The following KCNK2 variants were observed in gnomAD, a reference collection of about 807,000 sequenced individuals.
KCNK2 encodes the protein potassium channel subfamily K member 2.
Under a neutral mutation model 40.5 loss-of-function variants are expected in KCNK2, and 21 were observed. That is an observed-to-expected ratio of 0.52 (90% CI 0.37 to 0.75). The LOEUF (loss-of-function observed/expected upper bound fraction) is 0.75, where lower values mean the gene tolerates loss of function less well. Ranked by LOEUF, KCNK2 falls within the 30% of genes least tolerant of loss-of-function variation. The pLI is 0.00. For synonymous variants in KCNK2, 191 were observed against 202.2 expected, an observed-to-expected ratio of 0.94 and a Z score of 0.47; for missense variants, 399 against 531.6, an observed-to-expected ratio of 0.75 and a Z score of 2.45.
rs576428312 is a variant in KCNK2 at position 215,169,219 on chromosome 1, C to G, written c.496C>G (p.Arg166Gly). Reference sequence around the variant, plus strand: ...TAAAGGATTTGGAAACATCTCACCACGCACAGAAGGCGGCAAAATATTCTG... The same window carrying G: ...TAAAGGATTTGGAAACATCTCACCAGGCACAGAAGGCGGCAAAATATTCTG... ...TTIGFGNISP[R>G]TEGGKIFCII... is the part of the protein sequence containing the mutation. Residue 166 changes from arginine (R) to glycine (G), a missense_variant, in exon 4 of 7, where the codon CGC becomes GGC. Coordinates refer to ENST00000444842, the MANE Select transcript of KCNK2 (RefSeq NM_001017425.3). The G allele has an allele frequency of 1.2e-6, 2 of 1,607,446 alleles. No individual in the cohort carries two copies. The highest frequency in any genetic ancestry group is 1.7e-6 in the Non-Finnish European group (2 of 1,177,362).
chr1:215,189,118 G>A (rs6678565), intron 5 of KCNK2, among the ~76,000 whole-genome samples: 12,841 of 152,050 alleles, frequency 0.084, 845 homozygotes, highest in African/African-American at 0.19. Flanking sequence ...TGTGACTCTC[G>A]GAGAACTCAC....
intron 1 of KCNK2, among the ~76,000 whole-genome samples, chr1:215,013,117 T>C (rs946370347): frequency 6.6e-6 from 1 of 152,190 alleles, no homozygotes; most frequent in African/African-American, 2.4e-5. Flanking sequence ...TAATTTTGTG[T>C]TTTACATTTA....
At chr1:215,144,250 C>G (rs1443451631) in intron 3 of KCNK2, among the ~76,000 whole-genome samples, 3 of 152,050 alleles carry the variant, frequency 2.0e-5, no homozygotes, top group African/African-American at 4.8e-5. Context: ...GAATCCCATA[C>G]CAGAGATGAA....
chr1:215,115,028 T>G (rs74143659), intron 2 of KCNK2, among the ~76,000 whole-genome samples: 3 of 141,306 alleles, frequency 2.1e-5, no homozygotes, highest in African/African-American at 8.4e-5. Context: ...TGTGTGTGTG[T>G]ACAAAGCTTG....
chr1:215,121,726 A>G (rs1418852994), intron 2 of KCNK2, among the ~76,000 whole-genome samples: 2 of 152,246 alleles, frequency 1.3e-5, no homozygotes, highest in Non-Finnish European at 2.9e-5. Context: ...ACATATTAAA[A>G]TACACCTGTT....
At chr1:215,210,969 A>C (rs1440878462) in intron 6 of KCNK2, among the ~76,000 whole-genome samples, 2 of 152,110 alleles carry the variant, frequency 1.3e-5, no homozygotes, top group Non-Finnish European at 2.9e-5. Flanking sequence ...CTGTGCCACC[A>C]TGAGCTCACT....
chr1:215,148,374 C>T (rs991316629), intron 3 of KCNK2, among the ~76,000 whole-genome samples: 5 of 151,854 alleles, frequency 3.3e-5, no homozygotes, highest in African/African-American at 1.2e-4. Flanking sequence ...CATGCCTGTA[C>T]ATTAATTATT....
At chr1:215,114,075 G>A (rs1660818491) in intron 2 of KCNK2, among the ~76,000 whole-genome samples, 1 of 152,000 alleles carries the variant, frequency 6.6e-6, no homozygotes, top group Admixed American at 6.6e-5. Flanking sequence ...TGGTTTAAAA[G>A]TTTTCTGCAT....
In KCNK2 at chr1:215,021,923, A is replaced by G. The variant is rs566364105; in HGVS notation, c.34+15968A>G. Among the ~76,000 whole-genome samples, 586 of 152,222 alleles carry G rather than the reference A, an allele frequency of 3.8e-3. 8 individuals carry two copies. Among genetic ancestry groups the G allele is most frequent in the African/African-American group, 0.014 (566 of 41,550 alleles). ...CTTTGGGTTCTGATATTGTACCAGC[A>G]GTACTCAGTTTCTTAGGCCTCAGCC... On this transcript the variant is annotated intron_variant, in intron 1 of 6. Transcript: ENST00000391895.
At chr1:215,188,661 G>A (rs1258570501) in intron 5 of KCNK2, among the ~76,000 whole-genome samples, 1 of 152,134 alleles carries the variant, frequency 6.6e-6, no homozygotes, top group Non-Finnish European at 1.5e-5. Context: ...TGTTGACTAA[G>A]AGTTTTGCAA....
At chr1:215,010,450 A>G (rs995644508) in intron 1 of KCNK2, among the ~76,000 whole-genome samples, 16 of 152,196 alleles carry the variant, frequency 1.1e-4, no homozygotes, top group Non-Finnish European at 2.2e-4. Context: ...CACTGAATGA[A>G]TCTTAGAGAA....
chr1:215,195,249 A>G (rs1490777354), intron 6 of KCNK2, among the ~76,000 whole-genome samples, 157 bp downstream of exon 6: 1 of 152,172 alleles, frequency 6.6e-6, no homozygotes, highest in Non-Finnish European at 1.5e-5. Context: ...ATGAGCAAAT[A>G]TATGAGTTGT....
rs1179342647 is a variant in KCNK2, at chr1:215,083,149, C to T, written c.-237C>T. The T allele has an allele frequency of 5.6e-6, 5 of 885,062 alleles. No homozygotes were observed. The African/African-American group carries it at 8.3e-5, about 15-fold the overall frequency. 54.8% of individuals were successfully genotyped at this position (885,062 alleles called of 1,614,324 possible). On this transcript the variant is annotated 5_prime_UTR_variant, in exon 1 of 7. Coordinates refer to ENST00000444842, the MANE Select transcript of KCNK2 (RefSeq NM_001017425.3). The stretch of plus-strand genomic sequence containing the variant: ...GGCCTCCGCCTCGCCCTCTGCCCAG[C>T]CCGCCGGTGTCCCCTCCTTCCCGCG...
Position 215,123,518 on chromosome 1 carries a change from T to C in KCNK2, c.358-1115T>C, listed in dbSNP as rs376019532. The stretch of plus-strand genomic sequence containing the variant: ...CATAGATTAAGACAAATCAGACATA[T>C]TTCATAATGGTCAGTTCTGAAATGA... On this transcript the variant is annotated intron_variant, in intron 2 of 6. Coordinates refer to ENST00000444842, the MANE Select transcript of KCNK2 (RefSeq NM_001017425.3). Among the ~76,000 whole-genome samples, 84 of 152,240 alleles carry C rather than the reference T, an allele frequency of 5.5e-4. No homozygotes were observed. In the South Asian group the frequency reaches 0.017, roughly 31 times the overall value.
At chr1:215,048,448 C>G (rs1657863340) in intron 1 of KCNK2, among the ~76,000 whole-genome samples, 1 of 152,088 alleles carries the variant, frequency 6.6e-6, no homozygotes, top group Admixed American at 6.6e-5. Flanking sequence ...TCTTCAGAGC[C>G]TTTGTGGTTT....
intron 1 of KCNK2, among the ~76,000 whole-genome samples, chr1:215,012,985 T>G (rs1441067363): frequency 6.6e-6 from 1 of 152,182 alleles, no homozygotes; most frequent in Admixed American, 6.5e-5. Context: ...TTGTGTTTTC[T>G]TTTTTCAGAA....
At chr1:215,007,185 G>GTGTATATA (rs1398746959) in intron 1 of KCNK2, among the ~76,000 whole-genome samples, 36 of 31,024 alleles carry the variant, frequency 1.2e-3, no homozygotes, top group African/African-American at 3.8e-3. Flanking sequence ...ATGTGTGTGG[G>GTGTATATA]TATATATATA....
At chr1:215,212,809 G>T (rs1014766592) in intron 6 of KCNK2, among the ~76,000 whole-genome samples, 1 of 152,182 alleles carries the variant, frequency 6.6e-6, no homozygotes, top group Non-Finnish European at 1.5e-5. Flanking sequence ...TAGAGATGAT[G>T]TATCTGAGAT....
chr1:215,131,443 T>G (rs1212844697), intron 3 of KCNK2, among the ~76,000 whole-genome samples: 1 of 147,102 alleles, frequency 6.8e-6, no homozygotes, highest in East Asian at 1.9e-4. Context: ...ATGTATTATA[T>G]TCATATATTA....
Sources: allele counts gnomAD v4.1 joint callset (sites outside exome capture counted in the v4.1 genomes callset), GRCh38; gene constraint gnomAD v4.1.1; transcripts MANE v1.5; gene names NCBI Gene and HGNC (gene_info 2026-07-23, HGNC 2026-07-21).